Variants in MACROD2 observed in about 807,000 individuals in gnomAD.
The protein encoded by MACROD2 is ADP-ribose glycohydrolase MACROD2.
In MACROD2, 36 loss-of-function variants were observed where a neutral mutation model predicts 70.4. The observed-to-expected ratio is 0.51, with a 90% CI of 0.39 to 0.68. MACROD2 has a LOEUF of 0.68. Ranked by LOEUF, MACROD2 falls within the 30% of genes least tolerant of loss-of-function variation. The pLI is 0.00. For synonymous variants in MACROD2, 172 were observed against 178.8 expected (o/e 0.96, Z 0.30); for missense variants, 496 against 538.4 (o/e 0.92, Z 0.78).
At chr20:14,575,041 A>AAAT (rs1175447813) in intron 4 of MACROD2, among the ~76,000 whole-genome samples, 2 of 23,862 alleles carry the variant, frequency 8.4e-5, no homozygotes, top group Non-Finnish European at 1.4e-4. Flanking sequence ...AAAAAAAAAA[A>AAAT]ATATTCACAA....
At chr20:14,523,900 A>G (rs772731349) in intron 4 of MACROD2, among the ~76,000 whole-genome samples, 2 of 152,208 alleles carry the variant, frequency 1.3e-5, no homozygotes, top group Non-Finnish European at 2.9e-5. Flanking sequence ...GTCTCCTGCA[A>G]TTGCCCTTAG....
At chr20:15,163,044 C>T (rs1371134515) in intron 5 of MACROD2, among the ~76,000 whole-genome samples, 1 of 151,866 alleles carries the variant, frequency 6.6e-6, no homozygotes, top group Non-Finnish European at 1.5e-5. Context: ...TTTTAAAGCC[C>T]TTATATTGTT....
chr20:14,518,252 CT>C (rs10717138), intron 4 of MACROD2, among the ~76,000 whole-genome samples: 124,592 of 151,928 alleles, frequency 0.82, 51,493 homozygotes, highest in East Asian at 1. Flanking sequence ...ATGCTGCTGA[CT>C]TTTTTATATG....
At chr20:15,718,577 G>A (rs972221974) in intron 8 of MACROD2, among the ~76,000 whole-genome samples, 2 of 152,092 alleles carry the variant, frequency 1.3e-5, no homozygotes, top group Admixed American at 6.5e-5. Flanking sequence ...GTGTAGGGTG[G>A]ATCACCAAGG....
intron 6 of MACROD2, among the ~76,000 whole-genome samples, chr20:15,231,460 G>T (rs575508793): frequency 1.3e-5 from 2 of 152,146 alleles, no homozygotes; most frequent in Non-Finnish European, 2.9e-5. Flanking sequence ...AGACTGAAGT[G>T]CTTGGAAAAT....
Position 15,406,540 on chromosome 20 carries a change from C to T in MACROD2, c.541-24865C>T, listed in dbSNP as rs552691054. The stretch of plus-strand genomic sequence containing the variant: ...ATGTTATCTTACAGGGTAATAAGAC[C>T]AAATGGGCTTTTATTTTTTAATTAA... On this transcript the variant is annotated intron_variant, in intron 6 of 17. Coordinates refer to ENST00000684519, the MANE Select transcript of MACROD2 (RefSeq NM_001351661.2). Among the ~76,000 whole-genome samples the T allele has an allele frequency of 2.0e-5, 3 of 152,096 alleles. No individual in the cohort carries two copies. In the South Asian group the frequency reaches 6.2e-4, roughly 32 times the overall value.
chr20:15,438,809 A>G (rs2046459721), intron 7 of MACROD2, among the ~76,000 whole-genome samples: 1 of 152,210 alleles, frequency 6.6e-6, no homozygotes, highest in Non-Finnish European at 1.5e-5. Flanking sequence ...GAAGCTCAGC[A>G]AATATTTGGT....
At chr20:14,728,803 A>G (rs2071559962) in intron 5 of MACROD2, among the ~76,000 whole-genome samples, 1 of 152,210 alleles carries the variant, frequency 6.6e-6, no homozygotes, top group Non-Finnish European at 1.5e-5. Flanking sequence ...TTCTTATAAT[A>G]ATGTCAACTC....
intron 6 of MACROD2, among the ~76,000 whole-genome samples, chr20:15,422,795 A>T (rs1053097161): frequency 6.6e-6 from 1 of 152,178 alleles, no homozygotes; most frequent in Admixed American, 6.5e-5. Flanking sequence ...TAGCCAAATA[A>T]GCCATCTAGC....
intron 8 of MACROD2, among the ~76,000 whole-genome samples, chr20:15,518,775 GA>G (rs1432299513): frequency 6.6e-6 from 1 of 152,182 alleles, no homozygotes; most frequent in Non-Finnish European, 1.5e-5. Flanking sequence ...GAGGCAGGAG[GA>G]TTGCTTGAGG....
chr20:16,022,495 C>G (rs73237767), intron 15 of MACROD2, among the ~76,000 whole-genome samples: 14,307 of 152,208 alleles, frequency 0.094, 675 homozygotes, highest in East Asian at 0.14. Context: ...GCCAATGACT[C>G]TCAAGCTTTT....
At chr20:15,134,983 C>T (rs1435591630) in intron 5 of MACROD2, among the ~76,000 whole-genome samples, 16 of 152,166 alleles carry the variant, frequency 1.1e-4, no homozygotes, top group East Asian at 7.7e-4. Context: ...ATAAATTCCT[C>T]GACACATACA....
At chr20:15,517,204 C>T (rs1350757408) in intron 8 of MACROD2, among the ~76,000 whole-genome samples, 2 of 152,140 alleles carry the variant, frequency 1.3e-5, no homozygotes, top group Admixed American at 1.3e-4. Flanking sequence ...ACCCTCCAGC[C>T]TCCTTGGCCT....
intron 5 of MACROD2, among the ~76,000 whole-genome samples, chr20:14,710,780 C>G (rs188943042): frequency 6.6e-6 from 1 of 152,270 alleles, no homozygotes; most frequent in Admixed American, 6.5e-5. Context: ...TTAATTCTTA[C>G]TGCCAGTATT....
intron 15 of MACROD2, among the ~76,000 whole-genome samples, chr20:15,997,547 C>T (rs558939626): frequency 5.9e-5 from 9 of 152,140 alleles, no homozygotes; most frequent in African/African-American, 1.4e-4. Context: ...CTGTTGATTT[C>T]GAATTCGGCA....
At chr20:15,891,692 C>T (rs1601069269) in intron 10 of MACROD2, among the ~76,000 whole-genome samples, 1 of 152,166 alleles carries the variant, frequency 6.6e-6, no homozygotes, top group South Asian at 2.1e-4. Context: ...TTGAGAATGA[C>T]ATCTCAGTTT....
intron 4 of MACROD2, among the ~76,000 whole-genome samples, chr20:14,528,407 GC>G: frequency 6.6e-6 from 1 of 151,590 alleles, no homozygotes; most frequent in Non-Finnish European, 1.5e-5. Context: ...ACCCGCCTCG[GC>G]CTCCCAAAGT....
intron 8 of MACROD2, among the ~76,000 whole-genome samples, chr20:15,667,728 A>C (rs768892581): frequency 2.0e-5 from 3 of 152,144 alleles, no homozygotes; most frequent in Admixed American, 1.3e-4. Flanking sequence ...TACTGTTGTT[A>C]CTGTTGTTGA....
At chr20:16,014,018 G>A (rs999058146) in intron 15 of MACROD2, among the ~76,000 whole-genome samples, 4 of 152,140 alleles carry the variant, frequency 2.6e-5, no homozygotes, top group African/African-American at 7.2e-5. Context: ...CTGTAGGATC[G>A]GCAAAATGAA....
Sources: allele counts gnomAD v4.1 joint callset (sites outside exome capture counted in the v4.1 genomes callset), GRCh38; gene constraint gnomAD v4.1.1; transcripts MANE v1.5; gene names NCBI Gene and HGNC (gene_info 2026-07-23, HGNC 2026-07-21).